STK11: variants seen among roughly 807,000 people sequenced by gnomAD.
STK11 encodes serine/threonine-protein kinase STK11.
In STK11, 8 loss-of-function variants were observed where a neutral mutation model predicts 47.3. The observed-to-expected ratio is 0.17, with a 90% CI of 0.10 to 0.31. The LOEUF (loss-of-function observed/expected upper bound fraction) is 0.31. Among genes scored for constraint, STK11 ranks in the 10% least tolerant of loss-of-function variants. The pLI, the probability that STK11 is intolerant of heterozygous loss-of-function variation, is 1.00. For synonymous variants in STK11, 330 were observed against 255.8 expected, an observed-to-expected ratio of 1.29 and a Z score of -2.77; for missense variants, 475 against 605.0, an observed-to-expected ratio of 0.79 and a Z score of 2.25.
At position 1,220,344 on chromosome 19, in the gene STK11, G is replaced by T. The variant is rs771316536; in HGVS notation, c.465-29G>T. On this transcript the variant is annotated intron_variant, in intron 3 of 9. Coordinates refer to ENST00000326873, the MANE Select transcript of STK11 (RefSeq NM_000455.5). Reference sequence around the variant, plus strand: ...CCCTGTGAGGGGCAGGGAGGCCTCGGCCCCAGGACGGGTGTGTGCTGCCCG... The same window carrying T: ...CCCTGTGAGGGGCAGGGAGGCCTCGTCCCCAGGACGGGTGTGTGCTGCCCG... 11 of 1,586,848 alleles carry T rather than the reference G, an allele frequency of 6.9e-6. No individual in the cohort carries two copies. The South Asian group carries it at 1.3e-4, about 18-fold the overall frequency.
chr19:1,220,276 G>T, intron 3 of STK11, 97 bp from the exon 4 acceptor site: 1 of 1,474,166 alleles, frequency 6.8e-7, no homozygotes. Context: ...TCCCAGCTGG[G>T]CCTGTGGTGT....
rs772963844 is a variant in STK11 at position 1,223,130 on chromosome 19, A to G, written c.1066A>G (p.Ile356Val). Reference protein sequence around the residue: ...GADEDEDLFDIEDDIIYTQDF... With the variant: ...GADEDEDLFDVEDDIIYTQDF... The stretch of plus-strand genomic sequence containing the variant: ...GGACGAGGACGAGGACCTCTTCGAC[A>G]TCGAGGATGACATCATCTACACTCA... The change falls in exon 8 of 10, where the codon ATC becomes GTC. Residue 356 changes from isoleucine to valine, a missense_variant. Physicochemically the swap from Ile to Val is conservative, Grantham distance 29. Coordinates refer to ENST00000326873, the MANE Select transcript of STK11 (RefSeq NM_000455.5). 1 of 1,611,912 alleles carries G rather than the reference A, an allele frequency of 6.2e-7. No individual in the cohort carries two copies. The highest frequency in any genetic ancestry group is 8.5e-7 in the Non-Finnish European group (1 of 1,179,594).
rs141740164 is a variant in STK11, at chr19:1,213,326, G to A, written c.291-5091G>A. On this transcript the variant is annotated intron_variant, in intron 1 of 9. Coordinates refer to ENST00000326873, the MANE Select transcript of STK11 (RefSeq NM_000455.5). ...TCACCTTTTTAAAGTGTGTAATTCAGTGGCATATAGTACATTGACAGAGTT... is the reference window on the plus strand; with the variant it reads ...TCACCTTTTTAAAGTGTGTAATTCAATGGCATATAGTACATTGACAGAGTT... Among the ~76,000 whole-genome samples, 655 of 152,244 alleles carry A rather than the reference G, an allele frequency of 4.3e-3. 4 individuals carry two copies. Among genetic ancestry groups the A allele is most frequent in the African/African-American group, 0.015 (612 of 41,538 alleles).
chr19:1,222,112 G>A (rs1314612704), intron 7 of STK11, 106 bp downstream of exon 7: 5 of 1,359,516 alleles, frequency 3.7e-6, no homozygotes, highest in Non-Finnish European at 5.1e-6. Flanking sequence ...GTGCCAGGCT[G>A]GGCTGGGGCC....
intron 1 of STK11, among the ~76,000 whole-genome samples, chr19:1,207,899 C>G (rs1335681732): frequency 6.6e-6 from 1 of 152,176 alleles, no homozygotes; most frequent in East Asian, 1.9e-4. Context: ...CTGGGCATCC[C>G]GGACGCCTCT....
At chr19:1,220,794 T>A (rs2145425848) in intron 5 of STK11, 77 bp downstream of exon 5, 1 of 1,530,848 alleles carries the variant, frequency 6.5e-7, no homozygotes. Context: ...GCTGCCGGCC[T>A]GTGGGCGCAG....
intron 1 of STK11, among the ~76,000 whole-genome samples, chr19:1,208,388 A>T (rs1262637744): frequency 6.6e-6 from 1 of 150,532 alleles, no homozygotes; most frequent in African/African-American, 2.5e-5. Context: ...GCTCACTGCA[A>T]GCTCCGCCTC....
chr19:1,219,440 TGGGGCGG>T, intron 3 of STK11, 27 bp downstream of exon 3: 1 of 890,586 alleles, frequency 1.1e-6, no homozygotes, highest in Non-Finnish European at 1.6e-6. Flanking sequence ...GGGGCCAGGG[TGGGGCGG>T]GGGCCGGGGG....
chr19:1,211,595 C>T (rs993889354), intron 1 of STK11, among the ~76,000 whole-genome samples: 1 of 152,232 alleles, frequency 6.6e-6, no homozygotes, highest in Non-Finnish European at 1.5e-5. Flanking sequence ...CGTGAGCGCA[C>T]AGCCTGGCGG....
intron 8 of STK11, chr19:1,225,765 G>C: frequency 1.0e-6 from 1 of 985,592 alleles, no homozygotes; most frequent in Non-Finnish European, 1.2e-6. Context: ...TCGGCAGCCA[G>C]TGTGTTCGCG....
intron 1 of STK11, among the ~76,000 whole-genome samples, chr19:1,218,000 C>T (rs1003216435): frequency 1.4e-4 from 21 of 152,162 alleles, no homozygotes; most frequent in South Asian, 4.1e-4. Flanking sequence ...AAAAATTAGC[C>T]GGCTGTGGTG....
Position 1,228,017 on chromosome 19 carries a change from C to T in STK11, c.*441C>T. The T allele has an allele frequency of 2.6e-5, 28 of 1,067,738 alleles. No individual in the cohort carries two copies. Among genetic ancestry groups the T allele is most frequent in the Non-Finnish European group, 3.2e-5 (28 of 880,866 alleles). 66.1% of individuals were successfully genotyped at this position (1,067,738 alleles called of 1,614,324 possible). On this transcript the variant is annotated 3_prime_UTR_variant, in exon 10 of 10. Coordinates refer to ENST00000326873, the MANE Select transcript of STK11 (RefSeq NM_000455.5). The stretch of plus-strand genomic sequence containing the variant: ...GCAGCGCCACCTGGAAGCCGCGCGG[C>T]CGCTTTGGTTTTTTGTTTGGTTGGT...
At chr19:1,219,475 C>T (rs2145422817) in intron 3 of STK11, 62 bp downstream of exon 3, 2 of 1,513,094 alleles carry the variant, frequency 1.3e-6, no homozygotes, top group Non-Finnish European at 1.8e-6. Flanking sequence ...GGGCAGGCTC[C>T]TTTCCGTGAG....
chr19:1,227,712 C>T lies in STK11; in HGVS notation c.*136C>T. ...TGTGCCGACCACGCCCCAGGACCTCCGGAGCGCCCTGCAGGGCCGGGCAGG... is the reference window on the plus strand; with the variant it reads ...TGTGCCGACCACGCCCCAGGACCTCTGGAGCGCCCTGCAGGGCCGGGCAGG... On this transcript the variant is annotated 3_prime_UTR_variant, in exon 10 of 10. Transcript: ENST00000326873. 1 of 1,070,578 alleles carries T rather than the reference C, an allele frequency of 9.3e-7. No homozygotes were observed. 66.3% of individuals were successfully genotyped at this position (1,070,578 alleles called of 1,614,324 possible).
chr19:1,213,110 C>T (rs997062214), intron 1 of STK11, among the ~76,000 whole-genome samples: 1 of 150,136 alleles, frequency 6.7e-6, no homozygotes, highest in African/African-American at 2.5e-5. Flanking sequence ...CATTCTCCTG[C>T]CTCAGCCTCC....
At chr19:1,220,827 C>G (rs1342126600) in intron 5 of STK11, 110 bp downstream of exon 5, 2 of 1,463,124 alleles carry the variant, frequency 1.4e-6, no homozygotes, top group African/African-American at 1.4e-5. Context: ...GGCCCAGACC[C>G]TCTCTGGCCA....
rs946706361 is a variant in STK11 at position 1,222,883 on chromosome 19, C to T, written c.921-102C>T. ...CCCTTGCACGGCCTGGTCCCAGCTC[C>T]TGAGTGTGTGGCAGGTACCCTGGGC... On this transcript the variant is annotated intron_variant, in intron 7 of 9. Coordinates refer to ENST00000326873, the MANE Select transcript of STK11 (RefSeq NM_000455.5). The T allele has an allele frequency of 2.3e-5, 31 of 1,347,178 alleles. No homozygotes were observed. In the South Asian group the frequency reaches 3.8e-4, roughly 16 times the overall value. The allele number at this position is 1,347,178 out of a possible 1,614,324, so 83.5% of individuals were successfully genotyped here. A position where few individuals can be genotyped will look rare whatever the true frequency, so the allele number is the denominator to read the frequency against.
chr19:1,208,026 TGCCGCCGCCTGGC>T (rs2080680601), intron 1 of STK11, among the ~76,000 whole-genome samples: 1 of 152,234 alleles, frequency 6.6e-6, no homozygotes, highest in African/African-American at 2.4e-5. Flanking sequence ...ACGCTGCACC[TGCCGCCGCCTGGC>T]GGGCCCTGCC....
chr19:1,210,702 A>T (rs999090208), intron 1 of STK11, among the ~76,000 whole-genome samples: 2 of 150,846 alleles, frequency 1.3e-5, no homozygotes, highest in African/African-American at 4.9e-5. Context: ...GTCTCTACTA[A>T]AAATACAAAA....
Sources: gnomAD v4.1 joint callset for allele counts (sites outside exome capture counted in the v4.1 genomes callset) on GRCh38, gnomAD v4.1.1 for gene constraint, MANE v1.5 for transcripts, NCBI Gene and HGNC (gene_info 2026-07-23, HGNC 2026-07-21) for gene names.